Variants in UMAD1 observed in about 807,000 individuals in gnomAD.
UMAD1 encodes the protein UBAP1-MVB12-associated (UMA)-domain containing protein 1.
A neutral mutation model predicts 6.1 loss-of-function variants in UMAD1; 8 were observed. The ratio of observed to expected loss-of-function variants is 1.30; its 90% confidence interval spans 0.76 to 2.35. UMAD1 has a LOEUF of 2.35. Ranked by LOEUF, UMAD1 falls within the 30% of genes most tolerant of loss-of-function variation. UMAD1 has a pLI of 0.00. For missense variants in UMAD1, 130 were observed against 78.4 expected (o/e 1.66, Z -2.49); for synonymous variants, 56 against 31.4 (o/e 1.78, Z -2.61).
intron 2 of UMAD1, chr7:7,772,563 T>C (rs570865757): frequency 2.0e-5 from 3 of 152,338 alleles, no homozygotes; most frequent in Admixed American, 2.0e-4. Flanking sequence ...AACACAACTC[T>C]TGTTTCCAGT....
At chr7:7,749,748 A>G (rs1781642474) in intron 2 of UMAD1, among the ~76,000 whole-genome samples, 1 of 152,190 alleles carries the variant, frequency 6.6e-6, no homozygotes, top group African/African-American at 2.4e-5. Context: ...AGATTTTTGT[A>G]TGTTCTCATA....
chr7:7,696,790 C>A (rs974998153), intron 2 of UMAD1, among the ~76,000 whole-genome samples: 6 of 152,124 alleles, frequency 3.9e-5, no homozygotes, highest in Admixed American at 1.3e-4. Context: ...TAGGTAGGGC[C>A]CTGTGAAACC....
intron 2 of UMAD1, among the ~76,000 whole-genome samples, chr7:7,738,114 A>G (rs1781395773): frequency 6.6e-6 from 1 of 152,222 alleles, no homozygotes; most frequent in South Asian, 2.1e-4. Context: ...AATTGATAAA[A>G]GGGTCTGTAG....
At chr7:7,765,000 ATTC>A (rs998603916) in intron 2 of UMAD1, among the ~76,000 whole-genome samples, 45 of 143,514 alleles carry the variant, frequency 3.1e-4, no homozygotes, top group African/African-American at 1.1e-3. Context: ...TCTTAATATC[ATTC>A]TTTTTTTTTT....
At chr7:7,739,881 T>C (rs1014247994) in intron 2 of UMAD1, among the ~76,000 whole-genome samples, 3 of 152,226 alleles carry the variant, frequency 2.0e-5, no homozygotes, top group African/African-American at 4.8e-5. Context: ...TATTTGTCTA[T>C]ACAAAGGAGA....
At position 7,847,103 on chromosome 7, in the gene UMAD1, AAATATATATATATATATAT is replaced by A. The variant is rs1439492937; in HGVS notation, c.157-30176_157-30158del. Among the ~76,000 whole-genome samples, 21 of 20,766 alleles carry A rather than the reference AAATATATATATATATATAT, an allele frequency of 1.0e-3. 1 individual carries two copies. The highest frequency in any genetic ancestry group is 4.1e-3 in the African/African-American group (11 of 2,692). The allele number at this position is 20,766 out of a possible 152,430, so 13.6% of individuals were successfully genotyped here. ...ACAGCAATGCAAAAAAAAAAAAAAA[AAATATATATATATATATAT>A]ATATATATATATATATATATATATA... On this transcript the variant is annotated intron_variant, in intron 3 of 3. Coordinates refer to ENST00000682710, the MANE Select transcript of UMAD1 (RefSeq NM_001302348.2).
At chr7:7,752,959 T>C in intron 2 of UMAD1, among the ~76,000 whole-genome samples, 1 of 152,198 alleles carries the variant, frequency 6.6e-6, no homozygotes, top group East Asian at 1.9e-4. Flanking sequence ...CCCTGGTCTG[T>C]AGTTAATGGT....
chr7:7,737,702 C>G (rs1781388159), intron 2 of UMAD1, among the ~76,000 whole-genome samples: 1 of 152,124 alleles, frequency 6.6e-6, no homozygotes, highest in Non-Finnish European at 1.5e-5. Context: ...TTTCACCCAT[C>G]AAAAAATGAT....
intron 1 of UMAD1, among the ~76,000 whole-genome samples, chr7:7,650,682 T>C (rs1462339826): frequency 6.6e-6 from 1 of 152,272 alleles, no homozygotes; most frequent in Non-Finnish European, 1.5e-5. Context: ...AGTGGCAATG[T>C]TACTTGTGCC....
At chr7:7,846,510 A>G (rs984310813) in intron 3 of UMAD1, among the ~76,000 whole-genome samples, 3 of 152,172 alleles carry the variant, frequency 2.0e-5, no homozygotes, top group African/African-American at 7.2e-5. Context: ...AAAATATCAC[A>G]TGTATAAAAT....
intron 3 of UMAD1, among the ~76,000 whole-genome samples, chr7:7,876,197 A>G (rs1489703946): frequency 6.6e-6 from 1 of 152,220 alleles, no homozygotes; most frequent in African/African-American, 2.4e-5. Flanking sequence ...TCCTGGTCTG[A>G]GGGAATGGAA....
intron 2 of UMAD1, among the ~76,000 whole-genome samples, chr7:7,712,537 T>C (rs1786788962): frequency 6.6e-6 from 1 of 152,214 alleles, no homozygotes; most frequent in Admixed American, 6.5e-5. Flanking sequence ...CTGATACTTG[T>C]AGCAACCATC....
chr7:7,675,198 A>T (rs1025976452), intron 2 of UMAD1, among the ~76,000 whole-genome samples: 58 of 152,252 alleles, frequency 3.8e-4, no homozygotes, highest in African/African-American at 1.2e-3. Flanking sequence ...AGAAATTGAC[A>T]TTATTCTTTT....
chr7:7,774,508 AAGAG>A (rs1020598449), intron 2 of UMAD1, among the ~76,000 whole-genome samples: 13 of 152,336 alleles, frequency 8.5e-5, no homozygotes, highest in African/African-American at 1.9e-4. Context: ...TCAAAAAAGA[AAGAG>A]AGAGAGCTTG....
chr7:7,688,596 T>C (rs1483982587), intron 2 of UMAD1, among the ~76,000 whole-genome samples: 2 of 152,250 alleles, frequency 1.3e-5, no homozygotes, highest in African/African-American at 4.8e-5. Flanking sequence ...AGTTTCTAGA[T>C]AGCTCTCTTT....
At chr7:7,763,385 A>G (rs979220075) in intron 2 of UMAD1, among the ~76,000 whole-genome samples, 2 of 152,146 alleles carry the variant, frequency 1.3e-5, no homozygotes, top group Admixed American at 1.3e-4. Context: ...CTAGTACTCA[A>G]TAAGTGGTTC....
At chr7:7,697,518 T>A (rs1290271494) in intron 2 of UMAD1, among the ~76,000 whole-genome samples, 1 of 152,228 alleles carries the variant, frequency 6.6e-6, no homozygotes, top group African/African-American at 2.4e-5. Context: ...TGTGGCTTCC[T>A]TTTGTGGCAG....
At chr7:7,700,384 A>G (rs912886375) in intron 2 of UMAD1, among the ~76,000 whole-genome samples, 2 of 152,188 alleles carry the variant, frequency 1.3e-5, no homozygotes, top group African/African-American at 4.8e-5. Flanking sequence ...TTGAGGGAAC[A>G]CAAATATTCA....
intron 2 of UMAD1, among the ~76,000 whole-genome samples, chr7:7,715,569 G>A (rs1209651690): frequency 1.3e-5 from 2 of 152,078 alleles, no homozygotes; most frequent in Admixed American, 6.5e-5. Flanking sequence ...ATGCCATTAT[G>A]AACAATACAA....
Sources: gnomAD v4.1 joint callset for allele counts (sites outside exome capture counted in the v4.1 genomes callset) on GRCh38, gnomAD v4.1.1 for gene constraint, MANE v1.5 for transcripts, NCBI Gene and HGNC (gene_info 2026-07-23, HGNC 2026-07-21) for gene names.